Variants in HIF3A observed in about 807,000 individuals in gnomAD.
HIF3A encodes hypoxia inducible factor 3 subunit alpha, also known as hypoxia-inducible factor 3-alpha.
In HIF3A, 41 loss-of-function variants were observed where a neutral mutation model predicts 67.2. The ratio of observed to expected loss-of-function variants is 0.61; its 90% CI spans 0.48 to 0.79. The LOEUF (loss-of-function observed/expected upper bound fraction) is 0.79, where lower values mean the gene tolerates loss of function less well. Among genes scored for constraint, HIF3A ranks in the 30% least tolerant of loss-of-function variants. The probability of loss-of-function intolerance (pLI) is 0.00; values close to 1 mark genes in which losing one functional copy is unlikely to be tolerated. For missense variants in HIF3A, 855 were observed against 898.0 expected (o/e 0.95, Z 0.61); for synonymous variants, 356 against 374.8 (o/e 0.95, Z 0.58).
chr19:46,298,609 C>G lies in HIF3A; in HGVS notation c.26+1507C>G, dbSNP rs1235134462. ...TGGCCAAGGATGCTCTTGGGAAGTC[C>G]CTGGTGGGTACGGCTTGCAGCCCAG... On this transcript the variant is annotated intron_variant, in intron 1 of 14. Coordinates refer to ENST00000377670, the MANE Select transcript of HIF3A (RefSeq NM_152795.4). The G allele has an allele frequency of 4.1e-6, 4 of 976,080 alleles. No individual in the cohort carries two copies. In the African/African-American group the frequency reaches 6.8e-5, roughly 17 times the overall value. The allele number at this position is 976,080 out of a possible 1,614,324, so 60.5% of individuals were successfully genotyped here.
At position 46,297,098 on chromosome 19, in the gene HIF3A, G is replaced by A. The variant is rs759715922; in HGVS notation, c.22G>A (p.Ala8Thr). 2.4e-6 allele frequency: 3 copies of A among 1,248,166 alleles called. No homozygotes were observed. The highest frequency in any genetic ancestry group is 3.3e-5 in the South Asian group (1 of 30,740). 77.3% of individuals were successfully genotyped at this position (1,248,166 alleles called of 1,614,324 possible). Residue 8 changes from alanine to threonine, a missense_variant, in exon 1 of 15, where the codon GCA becomes ACA. Ala to Thr is a moderately conservative substitution (Grantham distance 58). This residue lies in a region of HIF3A where 638 missense variants were observed against 660.5 expected (regional missense o/e 0.97). Transcript: ENST00000377670. The surrounding 1 kb of genome is among the most constrained non-coding windows in gnomAD (Gnocchi z 4.5). MALGLQR[A>T]RSTTELRKEK... is the part of the protein sequence containing the mutation. ...AGCCATGGCGCTGGGGCTGCAGCGC[G>A]CAAGGTACTGAAGTTCGGGGGCAGG...
At chr19:46,326,734 G>A (rs1043357303) in intron 11 of HIF3A, among the ~76,000 whole-genome samples, 3 of 152,162 alleles carry the variant, frequency 2.0e-5, no homozygotes, top group Non-Finnish European at 4.4e-5. Flanking sequence ...ATATACAGTG[G>A]TGAGACAGGA....
At chr19:46,326,081 T>C (rs1029724082) in intron 11 of HIF3A, among the ~76,000 whole-genome samples, 1 of 152,190 alleles carries the variant, frequency 6.6e-6, no homozygotes, top group African/African-American at 2.4e-5. Context: ...TTGCTGAGTC[T>C]CTCATGAGGT....
chr19:46,339,683 G>A lies in HIF3A; in HGVS notation c.*61G>A, dbSNP rs1480330677. 11 of 1,267,892 alleles carry A rather than the reference G, an allele frequency of 8.7e-6. No individual in the cohort carries two copies. The highest frequency in any genetic ancestry group is 1.1e-5 in the Non-Finnish European group (10 of 908,080). 78.5% of individuals were successfully genotyped at this position (1,267,892 alleles called of 1,614,324 possible). A position where few individuals can be genotyped will look rare whatever the true frequency, so the allele number is the denominator to read the frequency against. ...AGAAAGGACCTCAACCACACTCCACGCCGGCAGCCAACGCACAGGATGGGG... is the reference window on the plus strand; with the variant it reads ...AGAAAGGACCTCAACCACACTCCACACCGGCAGCCAACGCACAGGATGGGG... On this transcript the variant is annotated 3_prime_UTR_variant, in exon 15 of 15. Transcript: ENST00000377670.
chr19:46,312,603 G>A lies in HIF3A; in HGVS notation c.975G>A (p.Gly325=). The change falls in exon 8 of 15, where the codon GGG becomes GGA. Residue 325 remains glycine (G), a synonymous_variant. Transcript: ENST00000377670. ...AGACCCAGGCCACAGTGGTGTCAGG[G>A]GGACGGGGCCCCCAGTCGGAGAGTA... The part of the protein sequence containing the change: ...WTQTQATVVS[G]GRGPQSESIV... 6.3e-7 allele frequency: 1 copy of A among 1,598,170 alleles called. No individual in the cohort carries two copies. Among genetic ancestry groups the A allele is most frequent in the Non-Finnish European group, 8.5e-7 (1 of 1,172,120 alleles).
At position 46,327,377 on chromosome 19, in the gene HIF3A, G is replaced by A. The variant is rs192345306; in HGVS notation, c.1440+1738G>A. Among the ~76,000 whole-genome samples, 206 of 149,546 alleles carry A rather than the reference G, an allele frequency of 1.4e-3. 1 individual carries two copies. Among genetic ancestry groups the A allele is most frequent in the African/African-American group, 4.6e-3 (188 of 40,540 alleles). On this transcript the variant is annotated intron_variant, in intron 11 of 14. Transcript: ENST00000377670. ...ATCACCCAAGCTGGAATTCAGTGAC[G>A]CAATCTTGGCTCACTGCAACTTCCA...
At chr19:46,337,670 TG>T (rs1176123337) in intron 14 of HIF3A, among the ~76,000 whole-genome samples, 1 of 152,214 alleles carries the variant, frequency 6.6e-6, no homozygotes, top group Non-Finnish European at 1.5e-5. Flanking sequence ...GAAGTCACCT[TG>T]CTTGAGGAGG....
intron 8 of HIF3A, among the ~76,000 whole-genome samples, chr19:46,318,166 G>A (rs991175440): frequency 2.6e-5 from 4 of 151,450 alleles, no homozygotes; most frequent in African/African-American, 7.3e-5. Flanking sequence ...CTAACCCAAC[G>A]TTGTCCAATA....
chr19:46,318,331 G>T (rs985439631), intron 8 of HIF3A, among the ~76,000 whole-genome samples: 4 of 151,512 alleles, frequency 2.6e-5, no homozygotes, highest in Non-Finnish European at 5.9e-5. Context: ...GCTTTGGGAG[G>T]CCAAGGCCAG....
intron 13 of HIF3A, among the ~76,000 whole-genome samples, chr19:46,332,998 C>A (rs1188424452): frequency 1.4e-4 from 20 of 147,350 alleles, no homozygotes; most frequent in South Asian, 8.7e-4. Context: ...AAAAAAAAAA[C>A]AACCTCTCTC....
At chr19:46,322,237 CAGA>C (rs1970425954) in intron 10 of HIF3A, among the ~76,000 whole-genome samples, 1 of 152,122 alleles carries the variant, frequency 6.6e-6, no homozygotes, top group Non-Finnish European at 1.5e-5. Context: ...ATCGTCAACA[CAGA>C]AGAAGACTTC....
chr19:46,316,759 G>GGTTGC (rs1969944264), intron 8 of HIF3A, among the ~76,000 whole-genome samples: 1 of 144,986 alleles, frequency 6.9e-6, no homozygotes, highest in Non-Finnish European at 1.5e-5. Flanking sequence ...GTGGAGATCA[G>GGTTGC]ACCACTGCAC....
At chr19:46,310,652 A>T (rs1355271310) in intron 6 of HIF3A, 1 of 455,788 alleles carries the variant, frequency 2.2e-6, no homozygotes, top group East Asian at 7.0e-5. Flanking sequence ...CTGTGGAATC[A>T]TAACAGAACC....
In HIF3A at chr19:46,316,774, G is replaced by T. The variant is rs886645025; in HGVS notation, c.1026-3669G>T. Among the ~76,000 whole-genome samples, 3 of 146,896 alleles carry T rather than the reference G, an allele frequency of 2.0e-5. No individual in the cohort carries two copies. In the South Asian group the frequency reaches 6.4e-4, roughly 31 times the overall value. On this transcript the variant is annotated intron_variant, in intron 8 of 14. Transcript: ENST00000377670. The stretch of plus-strand genomic sequence containing the variant: ...GTGGAGATCAGACCACTGCACTCCA[G>T]CCTGGGCGACAGAGTGAGACTCCAT...
At position 46,312,187 on chromosome 19, in the gene HIF3A, C is replaced by T. The variant is rs1969489737; in HGVS notation, c.797C>T (p.Pro266Leu). The T allele has an allele frequency of 6.2e-7, 1 of 1,614,084 alleles. No homozygotes were observed. The highest frequency in any genetic ancestry group is 2.2e-5 in the East Asian group (1 of 44,876). The change falls in exon 7 of 15, where the codon CCC becomes CTC. Residue 266 changes from proline to leucine, a missense_variant. By Grantham distance (98) the Pro-to-Leu change is moderately conservative (BLOSUM62 -3). Transcript: ENST00000377670. ...DRIAEVAGYS[P>L]DDLIGCSAYE... ...ATTGCAGAAGTGGCTGGCTATAGTC[C>T]CGATGACCTGATCGGCTGTTCCGCC...
intron 1 of HIF3A, among the ~76,000 whole-genome samples, chr19:46,301,855 AAAAT>A (rs1471655710): frequency 3.3e-5 from 5 of 151,756 alleles, no homozygotes; most frequent in South Asian, 4.2e-4. Flanking sequence ...TAAAAATTAA[AAAAT>A]AAATAAAAAA....
At chr19:46,322,714 T>G (rs1358072965) in intron 10 of HIF3A, among the ~76,000 whole-genome samples, 2 of 152,162 alleles carry the variant, frequency 1.3e-5, no homozygotes, top group African/African-American at 4.8e-5. Context: ...GTGCTGGGAT[T>G]ACAGGTGTGA....
At position 46,303,982 on chromosome 19, in the gene HIF3A, G is replaced by C; in HGVS notation, c.111G>C (p.Leu37=). Reference sequence around the variant, plus strand: ...AGGAGACCGAGGTGCTGTACCAGCTGGCTCACACGCTGCCCTTCGCCCGCG... The same window carrying C: ...AGGAGACCGAGGTGCTGTACCAGCTCGCTCACACGCTGCCCTTCGCCCGCG... The part of the protein sequence containing the change: ...RSQETEVLYQ[L]AHTLPFARGV... Residue 37 remains leucine, a synonymous_variant, in exon 2 of 15, where the codon CTG becomes CTC. Coordinates refer to ENST00000377670, the MANE Select transcript of HIF3A (RefSeq NM_152795.4). The C allele has an allele frequency of 1.2e-6, 2 of 1,602,534 alleles. No individual in the cohort carries two copies. The highest frequency in any genetic ancestry group is 1.7e-6 in the Non-Finnish European group (2 of 1,175,268).
chr19:46,308,303 A>T lies in HIF3A; in HGVS notation c.446A>T (p.Gln149Leu), dbSNP rs570648890. ...EELQDALTPQ[Q>L]TLSRRKVEAP... ...CTTCAGGACGCCCTGACCCCCCAGC[A>T]GAGTGAGTTCCCTGGAGGCCTCTGT... The change falls in exon 4 of 15, where the codon CAG (glutamine) becomes CTG (leucine). Residue 149 changes from glutamine (Q) to leucine (L), a missense_variant and splice_region_variant. By Grantham distance (113) the Gln-to-Leu change is moderately radical. Coordinates refer to ENST00000377670, the MANE Select transcript of HIF3A (RefSeq NM_152795.4). 1.2e-6 allele frequency: 2 copies of T among 1,605,776 alleles called. No homozygotes were observed. The highest frequency in any genetic ancestry group is 2.2e-5 in the South Asian group (2 of 90,250).
Sources: allele counts gnomAD v4.1 joint callset (sites outside exome capture counted in the v4.1 genomes callset), GRCh38; gene constraint gnomAD v4.1.1; regional missense constraint gnomAD v4.1.1; non-coding constraint Gnocchi (gnomAD v3.1); transcripts MANE v1.5; gene names NCBI Gene and HGNC (gene_info 2026-07-23, HGNC 2026-07-21).